The following DHX8 variants were observed in gnomAD, a reference collection of about 807,000 sequenced individuals.
DHX8 encodes the protein DEAH-box helicase 8, also known as ATP-dependent RNA helicase DHX8.
DHX8 carries 67 observed loss-of-function variants against 140.7 expected under a neutral mutation model. The observed-to-expected ratio is 0.48, with a 90% CI of 0.39 to 0.58. The LOEUF is 0.58. Among genes scored for constraint, DHX8 ranks in the 20% least tolerant of loss-of-function variants. The probability of loss-of-function intolerance (pLI) is 0.00; values close to 1 mark genes in which losing one functional copy is unlikely to be tolerated. For synonymous variants in DHX8, 533 were observed against 553.2 expected (o/e 0.96, Z 0.51); for missense variants, 887 against 1,550.7 (o/e 0.57, Z 7.19).
At position 43,498,902 on chromosome 17, in the gene DHX8, A is replaced by C; in HGVS notation, c.1341A>C (p.Pro447=). The change falls in exon 10 of 23, where the codon CCA becomes CCC. Residue 447 remains proline, a synonymous_variant. Transcript: ENST00000262415. The part of the protein sequence containing the change: ...LEIELVEEEP[P]FLRGHTKQSM... Reference sequence around the variant, plus strand: ...TTGAATTGGTTGAGGAAGAGCCTCCATTCCTGAGAGGGCACACTAAGCAAA... The same window carrying C: ...TTGAATTGGTTGAGGAAGAGCCTCCCTTCCTGAGAGGGCACACTAAGCAAA... The C allele has an allele frequency of 6.3e-7, 1 of 1,597,162 alleles. No individual in the cohort carries two copies. The highest frequency in any genetic ancestry group is 8.5e-7 in the Non-Finnish European group (1 of 1,174,594).
Position 43,504,741 on chromosome 17 carries a change from C to T in DHX8, c.1644C>T (p.Ala548=). 3 of 1,614,084 alleles carry T rather than the reference C, an allele frequency of 1.9e-6. No homozygotes were observed. Among genetic ancestry groups the T allele is most frequent in the East Asian group, 4.5e-5 (2 of 44,862 alleles). The change falls in exon 12 of 23, where the codon GCC becomes GCT. Residue 548 remains alanine, a synonymous_variant. Transcript: ENST00000262415. ...AGCATGCCTTTGGGGGCAACAAAGCCTCTTACGGAAAAAAGACCCAGATGT... is the reference window on the plus strand; with the variant it reads ...AGCATGCCTTTGGGGGCAACAAAGCTTCTTACGGAAAAAAGACCCAGATGT... ...WKKHAFGGNK[A]SYGKKTQMSI... is the part of the protein sequence containing the mutation.
chr17:43,526,250 G>A, downstream of DHX8: 1 of 1,288,508 alleles, frequency 7.8e-7, no homozygotes, highest in Non-Finnish European at 9.9e-7. Flanking sequence ...GCCCAGGAGA[G>A]GATGTGGGTC....
rs554348921 is a variant in DHX8 at position 43,500,840 on chromosome 17, G to T, written c.1546+737G>T. 3.9e-4 allele frequency among the ~76,000 whole-genome samples: 59 copies of T among 152,214 alleles called. 1 individual carries two copies. The highest frequency in any genetic ancestry group is 1.1e-3 in the African/African-American group (47 of 41,514). ...GCAGGGGAATCGCTTGAACCCTGGA[G>T]GCGGAGGTTGCAGTGAGCCAAGATC... is the stretch of plus-strand genomic sequence containing the variant. On this transcript the variant is annotated intron_variant, in intron 11 of 22. Coordinates refer to ENST00000262415, the MANE Select transcript of DHX8 (RefSeq NM_004941.3).
intron 18 of DHX8, chr17:43,518,770 A>C (rs557891723): frequency 2.0e-5 from 3 of 151,982 alleles, no homozygotes. Context: ...CCCTTCCTCT[A>C]TCCCTTGGTA....
chr17:43,529,881 G>C, downstream of DHX8: 1 of 1,614,106 alleles, frequency 6.2e-7, no homozygotes, highest in Admixed American at 1.7e-5. Context: ...TCACTTCTCT[G>C]ACCTTCAAAT....
chr17:43,525,639 G>C lies in DHX8; in HGVS notation c.*1792G>C. The C allele has an allele frequency of 1.0e-6, 1 of 985,450 alleles. No homozygotes were observed. The highest frequency in any genetic ancestry group is 1.2e-6 in the Non-Finnish European group (1 of 829,948). The allele number at this position is 985,450 out of a possible 1,614,324, so 61.0% of individuals were successfully genotyped here. On this transcript the variant is annotated 3_prime_UTR_variant, in exon 23 of 23. Coordinates refer to ENST00000262415, the MANE Select transcript of DHX8 (RefSeq NM_004941.3). ...GCACCCACCTCCCCAATCTCGTTTT[G>C]TTTTTGTTTTTGTTAAGACAGGATC... is the stretch of plus-strand genomic sequence containing the variant.
Position 43,508,344 on chromosome 17 carries a change from A to G in DHX8, c.2326A>G (p.Ile776Val). ...ATGTTCTATTCTGCTCGTAGGTGAT[A>G]TCCTGGTCTTCCTGACTGGTCAGGA... The part of the protein sequence containing the change: ...QIHLTEPPGD[I>V]LVFLTGQEEI... The change falls in exon 16 of 23, where the codon ATC (isoleucine) becomes GTC (valine). Residue 776 changes from isoleucine to valine, a missense_variant. By Grantham distance (29) the Ile-to-Val change is conservative. This residue lies in a region of DHX8 where 151 missense variants were observed against 388.3 expected (regional missense o/e 0.39). Coordinates refer to ENST00000262415, the MANE Select transcript of DHX8 (RefSeq NM_004941.3). The G allele has an allele frequency of 6.2e-7, 1 of 1,612,332 alleles. No individual in the cohort carries two copies. The highest frequency in any genetic ancestry group is 1.1e-5 in the South Asian group (1 of 90,870).
At chr17:43,497,381 A>C (rs962932600) in intron 9 of DHX8, among the ~76,000 whole-genome samples, 9 of 152,212 alleles carry the variant, frequency 5.9e-5, no homozygotes, top group African/African-American at 2.2e-4. Flanking sequence ...AATCTTTGTG[A>C]ATAATAGTAT....
chr17:43,503,418 AC>A (rs1969313765), intron 11 of DHX8, among the ~76,000 whole-genome samples: 1 of 151,860 alleles, frequency 6.6e-6, no homozygotes, highest in Non-Finnish European at 1.5e-5. Flanking sequence ...AATCACTTGA[AC>A]CTGGGAGGCG....
intron 18 of DHX8, chr17:43,518,634 G>T (rs1320451156): frequency 6.6e-6 from 1 of 152,024 alleles, no homozygotes; most frequent in Admixed American, 6.6e-5. Flanking sequence ...GCTTTTTAAA[G>T]TATACAATTC....
chr17:43,527,241 C>T (rs540352145), downstream of DHX8, among the ~76,000 whole-genome samples: 113 of 152,302 alleles, frequency 7.4e-4, 1 homozygote, highest in South Asian at 1.5e-3. Flanking sequence ...TCCCACTCCC[C>T]GGAAGATCTA....
At chr17:43,497,343 C>T (rs1968924024) in intron 9 of DHX8, among the ~76,000 whole-genome samples, 1 of 151,970 alleles carries the variant, frequency 6.6e-6, no homozygotes, top group African/African-American at 2.4e-5. Flanking sequence ...TTTTGATGGA[C>T]ATATGAGTTG....
Position 43,517,248 on chromosome 17 carries a change from C to A in DHX8, c.2725C>A (p.Arg909=). ...CYRLYTERAY[R]DEMLTTNVPE... ...CAGGTTGTACACAGAACGTGCCTAC[C>A]GAGATGAAATGCTGACCACCAACGT... Residue 909 remains arginine (R), a synonymous_variant, in exon 18 of 23, where the codon CGA becomes AGA. Transcript: ENST00000262415. The A allele has an allele frequency of 6.2e-7, 1 of 1,614,146 alleles. No homozygotes were observed. Among genetic ancestry groups the A allele is most frequent in the Non-Finnish European group, 8.5e-7 (1 of 1,180,024 alleles).
chr17:43,522,267 A>G lies in DHX8; in HGVS notation c.3443+41A>G, dbSNP rs759485775. On this transcript the variant is annotated intron_variant, in intron 22 of 22. Coordinates refer to ENST00000262415, the MANE Select transcript of DHX8 (RefSeq NM_004941.3). ...CCAGGGTCTAGGGGCTTTTCTGGGC[A>G]GAGAAAAACCTGTAAATTTCCTGGT... The G allele has an allele frequency of 2.5e-6, 4 of 1,569,920 alleles. No homozygotes were observed. In the East Asian group the frequency reaches 9.0e-5, roughly 35 times the overall value.
downstream of DHX8, among the ~76,000 whole-genome samples, chr17:43,531,618 C>A (rs1048376058): frequency 6.6e-6 from 1 of 152,164 alleles, no homozygotes; most frequent in Non-Finnish European, 1.5e-5. Flanking sequence ...GCATGAGAAT[C>A]GCTTGAACCC....
At chr17:43,529,134 C>A (rs1480056926), downstream of DHX8, 1 of 1,613,928 alleles carries the variant, frequency 6.2e-7, no homozygotes, top group Admixed American at 1.7e-5. Flanking sequence ...ACAGCCCCCA[C>A]CTTCTGCATG....
intron 2 of DHX8, chr17:43,533,843 C>G (rs1248095519): frequency 6.2e-7 from 1 of 1,607,254 alleles, no homozygotes; most frequent in Admixed American, 1.7e-5. Flanking sequence ...TTCACCAGGT[C>G]CAGGCTGGGG....
downstream of DHX8, among the ~76,000 whole-genome samples, chr17:43,531,602 G>T (rs1259285359): frequency 1.3e-5 from 2 of 152,164 alleles, no homozygotes; most frequent in African/African-American, 4.8e-5. Flanking sequence ...TATTCGGGAG[G>T]CTGAAGCATG....
At chr17:43,503,808 G>A (rs868655367) in intron 11 of DHX8, among the ~76,000 whole-genome samples, 3 of 152,192 alleles carry the variant, frequency 2.0e-5, no homozygotes, top group Admixed American at 6.6e-5. Context: ...GGGAGTAACT[G>A]CTAATGGGTA....
Sources: gnomAD v4.1 joint callset for allele counts (sites outside exome capture counted in the v4.1 genomes callset) on GRCh38, gnomAD v4.1.1 for gene constraint, gnomAD v4.1.1 regional missense constraint, MANE v1.5 for transcripts, NCBI Gene and HGNC (gene_info 2026-07-23, HGNC 2026-07-21) for gene names.